Variants in PALD1 observed in about 807,000 individuals in gnomAD.
PALD1 encodes the protein paladin.
PALD1 carries 57 observed loss-of-function variants against 96.0 expected under a neutral mutation model. The ratio of observed to expected loss-of-function variants is 0.59; its 90% CI spans 0.48 to 0.74. The LOEUF (loss-of-function observed/expected upper bound fraction) is 0.74, where lower values mean the gene tolerates loss of function less well. PALD1 is among the 30% of genes least tolerant of loss of function. The pLI is 0.00. For synonymous variants in PALD1, 464 were observed against 473.6 expected, an observed-to-expected ratio of 0.98 and a Z score of 0.26; for missense variants, 1,063 against 1,143.7, an observed-to-expected ratio of 0.93 and a Z score of 1.02.
At chr10:70,465,668 C>A in the PALD1 span, among the ~76,000 whole-genome samples, 1 of 152,174 alleles carries the variant, frequency 6.6e-6, no homozygotes, top group Non-Finnish European at 1.5e-5. Flanking sequence ...GCCTGACACC[C>A]TCCAAGACAT....
Position 70,529,788 on chromosome 10 carries a change from A to G in PALD1, c.289-101A>G, listed in dbSNP as rs1182573278. ...GCAGGATCATGTTCTTTTTGCCCCTATTTCCCCCCTCCCTGTCCCCTGGAG... is the reference window on the plus strand; with the variant it reads ...GCAGGATCATGTTCTTTTTGCCCCTGTTTCCCCCCTCCCTGTCCCCTGGAG... On this transcript the variant is annotated intron_variant, in intron 3 of 19. Coordinates refer to ENST00000263563, the MANE Select transcript of PALD1 (RefSeq NM_014431.3). The G allele has an allele frequency of 4.8e-6, 5 of 1,031,446 alleles. No homozygotes were observed. In the Admixed American group the frequency reaches 7.2e-5, roughly 15 times the overall value. 63.9% of individuals were successfully genotyped at this position (1,031,446 alleles called of 1,614,324 possible).
chr10:70,471,112 G>T, the PALD1 span, among the ~76,000 whole-genome samples: 1 of 152,002 alleles, frequency 6.6e-6, no homozygotes, highest in African/African-American at 2.4e-5. Context: ...GTGAGCCACC[G>T]TGTCCGGCCT....
chr10:70,493,829 A>G (rs1299935385), intron 1 of PALD1, among the ~76,000 whole-genome samples: 1 of 152,184 alleles, frequency 6.6e-6, no homozygotes, highest in Admixed American at 6.5e-5. Flanking sequence ...GCACTGTTGG[A>G]GTAGCCACCT....
intron 1 of PALD1, among the ~76,000 whole-genome samples, chr10:70,514,635 C>T (rs560730616): frequency 6.6e-5 from 10 of 152,104 alleles, no homozygotes; most frequent in Admixed American, 1.3e-4. Context: ...TGACTTTGCT[C>T]AGCCGTCACC....
chr10:70,479,691 T>G (rs1380012081), intron 1 of PALD1, among the ~76,000 whole-genome samples: 1 of 152,198 alleles, frequency 6.6e-6, no homozygotes, highest in East Asian at 1.9e-4. Flanking sequence ...TCTTGGGTTG[T>G]CAGAGATGGG....
intron 1 of PALD1, among the ~76,000 whole-genome samples, chr10:70,521,575 C>T (rs1846737260): frequency 6.6e-6 from 1 of 152,046 alleles, no homozygotes; most frequent in Non-Finnish European, 1.5e-5. Flanking sequence ...CTCTGTCGCC[C>T]AGGCTGAAGT....
intron 1 of PALD1, among the ~76,000 whole-genome samples, chr10:70,482,175 G>A (rs527819613): frequency 6.6e-6 from 1 of 152,294 alleles, no homozygotes; most frequent in African/African-American, 2.4e-5. Context: ...CACCTCTCCT[G>A]TGAAAGCTGG....
chr10:70,522,398 G>A lies in PALD1; in HGVS notation c.-29-3525G>A, dbSNP rs192214858. 3.3e-5 allele frequency among the ~76,000 whole-genome samples: 5 copies of A among 152,320 alleles called. No homozygotes were observed. The East Asian group carries it at 5.8e-4, about 18-fold the overall frequency. On this transcript the variant is annotated intron_variant, in intron 1 of 19. Transcript: ENST00000263563. Reference sequence around the variant, plus strand: ...AAGAGCACCAGGTGCAGAATTGCCCGAAGCTGGCCAGGTGCGTCAGCCCAG... The same window carrying A: ...AAGAGCACCAGGTGCAGAATTGCCCAAAGCTGGCCAGGTGCGTCAGCCCAG...
intron 18 of PALD1, among the ~76,000 whole-genome samples, chr10:70,552,712 G>A (rs556604589): frequency 1.2e-3 from 181 of 152,248 alleles, no homozygotes; most frequent in Middle Eastern, 3.4e-3. Flanking sequence ...CAGTCACACC[G>A]CCATGATTGC....
intron 11 of PALD1, 119 bp downstream of exon 11, chr10:70,538,025 G>A: frequency 1.2e-6 from 1 of 824,966 alleles, no homozygotes; most frequent in Non-Finnish European, 2.0e-6. Flanking sequence ...AGGGAAGGGA[G>A]GCCAGGAGAG....
intron 18 of PALD1, among the ~76,000 whole-genome samples, chr10:70,547,650 A>G (rs962483945): frequency 6.6e-6 from 1 of 152,156 alleles, no homozygotes; most frequent in Non-Finnish European, 1.5e-5. Flanking sequence ...TATGGGTACC[A>G]GATTCTGGAG....
chr10:70,541,392 C>A, intron 16 of PALD1, 71 bp from the exon 17 acceptor site: 1 of 1,555,382 alleles, frequency 6.4e-7, no homozygotes, highest in Non-Finnish European at 8.9e-7. Flanking sequence ...TGGGCAGCCC[C>A]CAAGTCCTCC....
chr10:70,533,473 C>G (rs187905551), intron 7 of PALD1, among the ~76,000 whole-genome samples: 1 of 152,188 alleles, frequency 6.6e-6, no homozygotes, highest in South Asian at 2.1e-4. Flanking sequence ...AGCTGCTGGC[C>G]GTGGCTGGGC....
intron 1 of PALD1, among the ~76,000 whole-genome samples, chr10:70,493,480 T>C (rs1317462595): frequency 6.6e-6 from 1 of 152,212 alleles, no homozygotes; most frequent in Non-Finnish European, 1.5e-5. Flanking sequence ...TTTGTGTCGC[T>C]TTCCACAATG....
At chr10:70,563,531 C>T (rs12411432) in intron 18 of PALD1, among the ~76,000 whole-genome samples, 34,747 of 152,188 alleles carry the variant, frequency 0.23, 4,607 homozygotes, top group Admixed American at 0.39. Flanking sequence ...TCCCCTGCAC[C>T]CACACATCCT....
chr10:70,545,011 C>T (rs993359246), intron 17 of PALD1, among the ~76,000 whole-genome samples: 3 of 152,336 alleles, frequency 2.0e-5, no homozygotes, highest in Non-Finnish European at 4.4e-5. Context: ...GTTAGGTGTT[C>T]ATTCATTCAC....
chr10:70,519,884 GA>G (rs150861796), intron 1 of PALD1, among the ~76,000 whole-genome samples: 3,833 of 152,192 alleles, frequency 0.025, 150 homozygotes, highest in African/African-American at 0.087. Context: ...CTGGGATTAG[GA>G]TTTTAACATA....
At chr10:70,543,853 TC>T (rs1847307103) in intron 17 of PALD1, among the ~76,000 whole-genome samples, 1 of 152,082 alleles carries the variant, frequency 6.6e-6, no homozygotes, top group African/African-American at 2.4e-5. Flanking sequence ...CTTTTACTGC[TC>T]CCAGTTTATA....
upstream of PALD1, among the ~76,000 whole-genome samples, chr10:70,476,302 G>A (rs1845821877): frequency 6.6e-6 from 1 of 152,220 alleles, no homozygotes; most frequent in South Asian, 2.1e-4. Flanking sequence ...TGGGGAGAGA[G>A]CAGGATGCCT....
Sources: gnomAD v4.1 joint callset for allele counts (sites outside exome capture counted in the v4.1 genomes callset) on GRCh38, gnomAD v4.1.1 for gene constraint, MANE v1.5 for transcripts, NCBI Gene and HGNC (gene_info 2026-07-23, HGNC 2026-07-21) for gene names.